The following QKI variants were observed in gnomAD, a reference collection of about 807,000 sequenced individuals.
The protein encoded by QKI is QKI, KH domain containing RNA binding, also known as KH domain-containing RNA-binding protein QKI.
Under a neutral mutation model 39.0 loss-of-function variants are expected in QKI, and 10 were observed. The observed-to-expected ratio is 0.26, with a 90% CI of 0.16 to 0.43. The LOEUF (loss-of-function observed/expected upper bound fraction) is 0.43, where lower values mean the gene tolerates loss of function less well. Ranked by LOEUF, QKI falls within the 20% of genes least tolerant of loss-of-function variation. QKI has a pLI of 1.00. For synonymous variants in QKI, 204 were observed against 155.4 expected (o/e 1.31, Z -2.33); for missense variants, 218 against 428.0 (o/e 0.51, Z 4.33).
At chr6:163,460,258 T>C (rs930521569) in intron 2 of QKI, among the ~76,000 whole-genome samples, 3 of 152,196 alleles carry the variant, frequency 2.0e-5, no homozygotes, top group Admixed American at 6.5e-5. Context: ...AAATGGGATT[T>C]AATTTTGACT....
intron 3 of QKI, among the ~76,000 whole-genome samples, chr6:163,532,633 C>G (rs1304457641): frequency 6.6e-6 from 1 of 152,114 alleles, no homozygotes; most frequent in Admixed American, 6.6e-5. Flanking sequence ...TGTCCCTTAC[C>G]CGTGGGGAAT....
chr6:163,492,323 C>G (rs1248748387), intron 3 of QKI, among the ~76,000 whole-genome samples: 1 of 151,920 alleles, frequency 6.6e-6, no homozygotes, highest in Non-Finnish European at 1.5e-5. Flanking sequence ...TTTTGTTGTT[C>G]TTTAGATTTT....
intron 6 of QKI, chr6:163,565,292 G>T: frequency 1.0e-6 from 1 of 986,500 alleles, no homozygotes; most frequent in Non-Finnish European, 1.2e-6. Context: ...CCTCTCTGCT[G>T]CACCCACAGC....
At position 163,571,872 on chromosome 6, in the gene QKI, T is replaced by C. The variant is rs1783718328; in HGVS notation, c.*1162T>C. The C allele has an allele frequency of 2.0e-5, 3 of 152,178 alleles. No homozygotes were observed. Among genetic ancestry groups the C allele is most frequent in the Non-Finnish European group, 2.9e-5 (2 of 68,022 alleles). The allele number at this position is 152,178 out of a possible 1,614,324, so 9.4% of individuals were successfully genotyped here. A position where few individuals can be genotyped will look rare whatever the true frequency, so the allele number is the denominator to read the frequency against. On this transcript the variant is annotated 3_prime_UTR_variant, in exon 8 of 8. Coordinates refer to ENST00000361752, the MANE Select transcript of QKI (RefSeq NM_006775.3). ...GTCTAAAGAAAAGAAAGTGCCTTAT[T>C]TTCCTTCATGGTCATTCAGTCAAGT...
At chr6:163,563,347 A>C in intron 5 of QKI, 73 bp from the exon 6 acceptor site, 8 of 1,283,338 alleles carry the variant, frequency 6.2e-6, no homozygotes, top group South Asian at 3.0e-5. Context: ...TCTTTTTCCT[A>C]CTCCCTTCTC....
chr6:163,494,489 G>A (rs185788979), intron 3 of QKI, among the ~76,000 whole-genome samples: 17 of 152,200 alleles, frequency 1.1e-4, no homozygotes, highest in African/African-American at 4.1e-4. Flanking sequence ...ACACTTTCAC[G>A]GTCATTCAGA....
At chr6:163,423,573 T>C (rs1788174800) in intron 1 of QKI, 1 of 152,250 alleles carries the variant, frequency 6.6e-6, no homozygotes, top group Non-Finnish European at 1.5e-5. Context: ...AATCTGCTGC[T>C]GTTGCCTCAA....
chr6:163,450,629 G>A (rs936267595), intron 1 of QKI, among the ~76,000 whole-genome samples: 4 of 151,698 alleles, frequency 2.6e-5, no homozygotes, highest in East Asian at 3.9e-4. Context: ...GCCTTAGTTT[G>A]GAAAAGAAAA....
intron 7 of QKI, chr6:163,568,435 A>C: frequency 3.0e-6 from 3 of 985,362 alleles, no homozygotes; most frequent in South Asian, 4.7e-5. Context: ...TTTTGTAGTT[A>C]CGTGTTTTGA....
intron 1 of QKI, among the ~76,000 whole-genome samples, chr6:163,420,505 A>G (rs1787911917): frequency 6.6e-6 from 1 of 152,078 alleles, no homozygotes; most frequent in South Asian, 2.1e-4. Context: ...TTTTAAGGCC[A>G]AGGGATGGGG....
At chr6:163,527,710 A>C (rs1200894728) in intron 3 of QKI, among the ~76,000 whole-genome samples, 1 of 151,826 alleles carries the variant, frequency 6.6e-6, no homozygotes. Context: ...TGTTGAGATT[A>C]TTTTTTTACT....
chr6:163,550,471 T>C (rs1258909249), intron 4 of QKI, among the ~76,000 whole-genome samples: 1 of 152,196 alleles, frequency 6.6e-6, no homozygotes, highest in Non-Finnish European at 1.5e-5. Flanking sequence ...TACAGGAATT[T>C]CAGTAATCAG....
At chr6:163,475,165 T>A (rs989912109) in intron 2 of QKI, among the ~76,000 whole-genome samples, 3 of 152,096 alleles carry the variant, frequency 2.0e-5, no homozygotes, top group African/African-American at 7.2e-5. Flanking sequence ...TAATACAGTA[T>A]GATGTTAAAG....
chr6:163,506,444 AT>A (rs149566881), intron 3 of QKI, among the ~76,000 whole-genome samples: 4,237 of 152,294 alleles, frequency 0.028, 192 homozygotes, highest in African/African-American at 0.096. Context: ...ACCACAGGAA[AT>A]TGCATTGTAC....
chr6:163,489,370 C>T (rs1339244240), intron 3 of QKI, among the ~76,000 whole-genome samples: 2 of 151,938 alleles, frequency 1.3e-5, no homozygotes, highest in South Asian at 2.1e-4. Flanking sequence ...CAAAACTTTG[C>T]TCTGTTGTGC....
intron 3 of QKI, among the ~76,000 whole-genome samples, chr6:163,486,232 A>G (rs1372011863): frequency 6.6e-6 from 1 of 152,236 alleles, no homozygotes; most frequent in Non-Finnish European, 1.5e-5. Flanking sequence ...CTCTCACTGG[A>G]TATTCAAATT....
chr6:163,500,308 A>G (rs544803099), intron 3 of QKI, among the ~76,000 whole-genome samples: 1 of 152,224 alleles, frequency 6.6e-6, no homozygotes, highest in South Asian at 2.1e-4. Context: ...GGAGTTGGGC[A>G]AGAGTTGAAG....
At position 163,414,997 on chromosome 6, in the gene QKI, G is replaced by T. The variant is rs1205302424; in HGVS notation, c.-197G>T. On this transcript the variant is annotated 5_prime_UTR_variant, in exon 1 of 8. Transcript: ENST00000361752. Reference sequence around the variant, plus strand: ...GGCTGGGAGCGCGTCGGGCCCGGGCGGAAAGTGCCTGCGGGGGGCGGGCGA... The same window carrying T: ...GGCTGGGAGCGCGTCGGGCCCGGGCTGAAAGTGCCTGCGGGGGGCGGGCGA... The T allele has an allele frequency of 5.4e-6, 2 of 369,882 alleles. No homozygotes were observed. Among genetic ancestry groups the T allele is most frequent in the Non-Finnish European group, 3.7e-6 (1 of 270,546 alleles). 22.9% of individuals were successfully genotyped at this position (369,882 alleles called of 1,614,324 possible).
Position 163,417,657 on chromosome 6 carries a change from G to A in QKI, c.142+2322G>A, listed in dbSNP as rs569178706. ...AATAGTACTCGTTTGCGTTTTAAAT[G>A]TAAGAGACCACTATGATATCTCCTA... On this transcript the variant is annotated intron_variant, in intron 1 of 7. Transcript: ENST00000361752. Among the ~76,000 whole-genome samples the A allele has an allele frequency of 7.2e-5, 11 of 152,264 alleles. No individual in the cohort carries two copies. In the South Asian group the frequency reaches 2.3e-3, roughly 32 times the overall value.
Sources: allele counts gnomAD v4.1 joint callset (sites outside exome capture counted in the v4.1 genomes callset), GRCh38; gene constraint gnomAD v4.1.1; transcripts MANE v1.5; gene names NCBI Gene and HGNC (gene_info 2026-07-23, HGNC 2026-07-21).